The following DLG2 variants were observed in gnomAD, a reference collection of about 807,000 sequenced individuals.
DLG2 encodes disks large homolog 2.
DLG2 carries 45 observed loss-of-function variants against 132.5 expected under a neutral mutation model. That is an observed-to-expected ratio of 0.34 (90% CI 0.27 to 0.44). DLG2 has a LOEUF of 0.44. Among genes scored for constraint, DLG2 ranks in the 20% least tolerant of loss-of-function variants. The pLI is 1.00. For missense variants in DLG2, 1,045 were observed against 1,196.9 expected (o/e 0.87, Z 1.87); for synonymous variants, 424 against 419.6 (o/e 1.01, Z -0.13).
At chr11:83,998,367 C>G (rs141922092) in intron 11 of DLG2, among the ~76,000 whole-genome samples, 6 of 152,268 alleles carry the variant, frequency 3.9e-5, no homozygotes, top group African/African-American at 1.2e-4. Context: ...TTGTACTTGT[C>G]TCCTCCACAC....
intron 15 of DLG2, among the ~76,000 whole-genome samples, chr11:83,912,811 T>C (rs959946539): frequency 2.6e-5 from 4 of 152,096 alleles, no homozygotes; most frequent in African/African-American, 4.8e-5. Flanking sequence ...CTCAACTCTA[T>C]GGACTCGAAT....
At chr11:84,789,631 G>A (rs1309456737) in intron 6 of DLG2, among the ~76,000 whole-genome samples, 1 of 151,962 alleles carries the variant, frequency 6.6e-6, no homozygotes, top group Admixed American at 6.6e-5. Context: ...ACCTTGCTGT[G>A]CTATCAAATA....
At chr11:84,744,898 T>TAAAAAAAAAAAAAAAAAAAAAAA (rs758776805) in intron 6 of DLG2, among the ~76,000 whole-genome samples, 1 of 71,812 alleles carries the variant, frequency 1.4e-5, no homozygotes, top group African/African-American at 4.8e-5. Context: ...AGTAAAGGTC[T>TAAAAAAAAAAAAAAAAAAAAAAA]AAAAAAAAAA....
At chr11:85,128,373 G>A (rs1480083897) in intron 5 of DLG2, among the ~76,000 whole-genome samples, 3 of 151,946 alleles carry the variant, frequency 2.0e-5, no homozygotes, top group Non-Finnish European at 4.4e-5. Flanking sequence ...AAATAGAAAA[G>A]GAAATACCTC....
chr11:84,032,038 T>A (rs188934982), intron 11 of DLG2, among the ~76,000 whole-genome samples: 1 of 152,282 alleles, frequency 6.6e-6, no homozygotes, highest in Non-Finnish European at 1.5e-5. Context: ...AATGTGTGTG[T>A]TCTTACTCTA....
chr11:84,166,542 GAAAAAAAC>G (rs1448896540), intron 8 of DLG2, among the ~76,000 whole-genome samples: 1 of 133,174 alleles, frequency 7.5e-6, no homozygotes, highest in Non-Finnish European at 1.7e-5. Flanking sequence ...AAGAAAGAAA[GAAAAAAAC>G]AATACCTCGA....
intron 8 of DLG2, among the ~76,000 whole-genome samples, chr11:84,204,295 A>T (rs1361265891): frequency 1.3e-5 from 2 of 152,208 alleles, no homozygotes; most frequent in Non-Finnish European, 2.9e-5. Context: ...TTTTGTGGGG[A>T]TGTACAGCAT....
intron 21 of DLG2, among the ~76,000 whole-genome samples, chr11:83,491,556 T>C (rs1462525964): frequency 6.6e-6 from 1 of 152,044 alleles, no homozygotes; most frequent in East Asian, 1.9e-4. Context: ...GCAGTCTAAG[T>C]TGGGGAGGCT....
intron 21 of DLG2, among the ~76,000 whole-genome samples, chr11:83,494,687 A>G (rs1480021337): frequency 1.3e-5 from 2 of 151,750 alleles, no homozygotes; most frequent in African/African-American, 4.8e-5. Context: ...ATGAGGTGAG[A>G]ACTCTAAAGG....
intron 4 of DLG2, among the ~76,000 whole-genome samples, chr11:85,267,705 T>C (rs576140999): frequency 2.6e-4 from 40 of 152,330 alleles, no homozygotes; most frequent in African/African-American, 9.4e-4. Flanking sequence ...AAAAGAAAAT[T>C]TTTATTTTCA....
chr11:84,502,338 CTTTCTTTCTTT>C (rs2099218556), intron 7 of DLG2, among the ~76,000 whole-genome samples: 1 of 31,296 alleles, frequency 3.2e-5, no homozygotes, highest in African/African-American at 2.1e-4. Flanking sequence ...TTCTTTCTTT[CTTTCTTTCTTT>C]CTTTCTTTCT....
chr11:85,135,786 T>C (rs2076101192), intron 5 of DLG2, among the ~76,000 whole-genome samples: 3 of 152,156 alleles, frequency 2.0e-5, no homozygotes, highest in African/African-American at 7.2e-5. Flanking sequence ...ATTCAACAAA[T>C]ATACTTGAGA....
intron 10 of DLG2, among the ~76,000 whole-genome samples, chr11:84,067,126 A>G (rs768520657): frequency 1.3e-5 from 2 of 152,122 alleles, no homozygotes; most frequent in Non-Finnish European, 2.9e-5. Context: ...TGAGGTCAGG[A>G]GTTCGAGACC....
At chr11:84,949,153 T>C (rs1323201433) in intron 6 of DLG2, among the ~76,000 whole-genome samples, 1 of 152,152 alleles carries the variant, frequency 6.6e-6, no homozygotes, top group East Asian at 1.9e-4. Context: ...GGGGGAGACA[T>C]CACACATTGG....
intron 6 of DLG2, among the ~76,000 whole-genome samples, chr11:84,601,799 T>C (rs2099577080): frequency 6.6e-6 from 1 of 152,072 alleles, no homozygotes; most frequent in Admixed American, 6.6e-5. Context: ...TGACTATAGA[T>C]AGAATATTGG....
At chr11:84,600,210 A>AAG in intron 6 of DLG2, among the ~76,000 whole-genome samples, 3 of 137,000 alleles carry the variant, frequency 2.2e-5, no homozygotes, top group African/African-American at 9.5e-5. Flanking sequence ...GAAAGAAAGA[A>AAG]AGAAAGAAAG....
chr11:84,766,819 A>T (rs1362160449), intron 6 of DLG2, among the ~76,000 whole-genome samples: 3 of 152,106 alleles, frequency 2.0e-5, no homozygotes, highest in African/African-American at 7.2e-5. Flanking sequence ...TATAGTCAAG[A>T]TGCTTATAGT....
intron 3 of DLG2, among the ~76,000 whole-genome samples, chr11:85,438,504 C>T (rs536041214): frequency 1.3e-5 from 2 of 151,926 alleles, no homozygotes; most frequent in African/African-American, 2.4e-5. Flanking sequence ...TAGCAAAAAC[C>T]GCAATTACTT....
chr11:83,978,885 T>C (rs2092524674), intron 12 of DLG2, among the ~76,000 whole-genome samples: 1 of 152,110 alleles, frequency 6.6e-6, no homozygotes, highest in South Asian at 2.1e-4. Flanking sequence ...AGAGGCAGTA[T>C]AGCTTGGTAG....
Sources: gnomAD v4.1 joint callset for allele counts (sites outside exome capture counted in the v4.1 genomes callset) on GRCh38, gnomAD v4.1.1 for gene constraint, MANE v1.5 for transcripts, NCBI Gene and HGNC (gene_info 2026-07-23, HGNC 2026-07-21) for gene names.